AGBL1: variants seen among roughly 807,000 people sequenced by gnomAD.
AGBL1 encodes the protein cytosolic carboxypeptidase 4.
A neutral mutation model predicts 118.9 loss-of-function variants in AGBL1; 130 were observed. The observed-to-expected ratio is 1.09, with a 90% confidence interval of 0.95 to 1.26. AGBL1 has a LOEUF of 1.26. AGBL1 is among the 50% of genes most tolerant of loss of function. AGBL1 has a pLI of 0.00. For synonymous variants in AGBL1, 555 were observed against 478.9 expected, an observed-to-expected ratio of 1.16 and a Z score of -2.08; for missense variants, 1,584 against 1,298.1, an observed-to-expected ratio of 1.22 and a Z score of -3.38.
In AGBL1 at chr15:86,659,913, C is replaced by T. The variant is rs553030182; in HGVS notation, c.2995-14360C>T. Among the ~76,000 whole-genome samples, 144 of 152,168 alleles carry T rather than the reference C, an allele frequency of 9.5e-4. 1 individual carries two copies. The highest frequency in any genetic ancestry group is 4.2e-3 in the Admixed American group (64 of 15,276). On this transcript the variant is annotated intron_variant, in intron 21 of 22. Transcript: ENST00000614907. ...TGTTGCCAGGGCAATTACAGTCTGACAGTGCTCAGGTCTGTTCCTGTATTT... is the reference window on the plus strand; with the variant it reads ...TGTTGCCAGGGCAATTACAGTCTGATAGTGCTCAGGTCTGTTCCTGTATTT...
Position 86,202,513 on chromosome 15 carries a change from T to C in AGBL1, c.489-22401T>C, listed in dbSNP as rs566587281. ...GTAAAATGAGACAGCCTCAGATTTGTTGTAAAAACAATTGAAATGAGTGAA... is the reference window on the plus strand; with the variant it reads ...GTAAAATGAGACAGCCTCAGATTTGCTGTAAAAACAATTGAAATGAGTGAA... On this transcript the variant is annotated intron_variant, in intron 5 of 22. Coordinates refer to ENST00000614907, the MANE Select transcript of AGBL1 (RefSeq NM_001386094.1). 9.9e-5 allele frequency among the ~76,000 whole-genome samples: 15 copies of C among 152,276 alleles called. No individual in the cohort carries two copies. In the South Asian group the frequency reaches 3.1e-3, roughly 32 times the overall value.
chr15:86,405,725 C>T lies in AGBL1; in HGVS notation c.2555+8179C>T, dbSNP rs367978691. Among the ~76,000 whole-genome samples the T allele has an allele frequency of 7.0e-4, 106 of 151,874 alleles. 1 individual carries two copies. Among genetic ancestry groups the T allele is most frequent in the African/African-American group, 2.3e-3 (96 of 41,352 alleles). ...CTAATTATAAAAATGATACATGATACAGCCAAGATAATAGGTGTTTCAAAA... is the reference window on the plus strand; with the variant it reads ...CTAATTATAAAAATGATACATGATATAGCCAAGATAATAGGTGTTTCAAAA... On this transcript the variant is annotated intron_variant, in intron 18 of 22. Transcript: ENST00000614907.
At chr15:86,192,062 G>T (rs562153086) in intron 5 of AGBL1, among the ~76,000 whole-genome samples, 153 of 151,732 alleles carry the variant, frequency 1.0e-3, no homozygotes, top group African/African-American at 3.6e-3. Flanking sequence ...TTGTGCCACT[G>T]TACTCTGTCC....
At chr15:86,275,900 A>T (rs886967184) in intron 15 of AGBL1, among the ~76,000 whole-genome samples, 22 of 152,212 alleles carry the variant, frequency 1.4e-4, no homozygotes, top group African/African-American at 5.3e-4. Context: ...TGGGCAAATT[A>T]TACCAACTTC....
intron 23 of AGBL1, among the ~76,000 whole-genome samples, chr15:86,957,235 G>A (rs115226164): frequency 0.017 from 2,607 of 152,112 alleles, 69 homozygotes; most frequent in African/African-American, 0.056. Context: ...AGGACATTCA[G>A]TGAATGTGGT....
Position 86,247,834 on chromosome 15 carries a change from C to T in AGBL1, c.690C>T (p.Ala230=). 6.2e-7 allele frequency: 1 copy of T among 1,613,962 alleles called. No individual in the cohort carries two copies. Among genetic ancestry groups the T allele is most frequent in the Non-Finnish European group, 8.5e-7 (1 of 1,179,904 alleles). ...CTGCCCTCCGGTCCGGCAGGGAGGC[C>T]TTCCTGGCAGCACAGGGCATGGAGA... The part of the protein sequence containing the change: ...HIAALRSGRE[A]FLAAQGMEIL... Residue 230 remains alanine (A), a synonymous_variant, in exon 7 of 23, where the codon GCC becomes GCT. Coordinates refer to ENST00000614907, the MANE Select transcript of AGBL1 (RefSeq NM_001386094.1).
chr15:86,857,353 C>T (rs78852371), intron 22 of AGBL1, among the ~76,000 whole-genome samples: 1 of 152,058 alleles, frequency 6.6e-6, no homozygotes, highest in African/African-American at 2.4e-5. Context: ...TTTCTCATGG[C>T]CTGCGTCTCT....
intron 22 of AGBL1, among the ~76,000 whole-genome samples, chr15:86,723,520 G>A (rs1473387275): frequency 1.3e-5 from 2 of 152,086 alleles, no homozygotes; most frequent in Admixed American, 6.5e-5. Context: ...TGGGGTGAGG[G>A]GGGAGGGATA....
At chr15:86,225,527 A>C (rs2078347986) in intron 6 of AGBL1, among the ~76,000 whole-genome samples, 1 of 152,206 alleles carries the variant, frequency 6.6e-6, no homozygotes, top group South Asian at 2.1e-4. Context: ...GAGTGATTGC[A>C]AAAGAATAGC....
intron 23 of AGBL1, among the ~76,000 whole-genome samples, chr15:86,943,414 T>C (rs1376914262): frequency 6.6e-6 from 1 of 152,178 alleles, no homozygotes; most frequent in African/African-American, 2.4e-5. Context: ...GTGATATCTC[T>C]CTCCTGCAGA....
chr15:86,481,766 C>G (rs1392922237), intron 18 of AGBL1, among the ~76,000 whole-genome samples: 1 of 152,102 alleles, frequency 6.6e-6, no homozygotes, highest in African/African-American at 2.4e-5. Context: ...AAATCATCAT[C>G]TTAGAACTAG....
At chr15:86,284,507 T>G (rs1257821544) in intron 16 of AGBL1, among the ~76,000 whole-genome samples, 1 of 152,202 alleles carries the variant, frequency 6.6e-6, no homozygotes, top group African/African-American at 2.4e-5. Flanking sequence ...AGCATATTCT[T>G]GTACCTTTTA....
intron 22 of AGBL1, among the ~76,000 whole-genome samples, chr15:86,821,334 A>G (rs1354214035): frequency 1.3e-5 from 2 of 152,184 alleles, no homozygotes; most frequent in African/African-American, 4.8e-5. Flanking sequence ...AATAATAAAT[A>G]AAATAAACAT....
At chr15:86,247,086 A>G (rs958050803) in intron 6 of AGBL1, among the ~76,000 whole-genome samples, 1 of 152,256 alleles carries the variant, frequency 6.6e-6, no homozygotes, top group Admixed American at 6.5e-5. Context: ...ACCCCAGTTT[A>G]TCAAAATCTG....
chr15:86,400,997 G>A (rs2081436947), intron 18 of AGBL1, among the ~76,000 whole-genome samples: 1 of 152,052 alleles, frequency 6.6e-6, no homozygotes, highest in Non-Finnish European at 1.5e-5. Flanking sequence ...TTACTGGATT[G>A]AATGGTAGTT....
chr15:86,572,689 GCA>G (rs1490490992), intron 21 of AGBL1, among the ~76,000 whole-genome samples: 5 of 152,194 alleles, frequency 3.3e-5, no homozygotes, highest in Admixed American at 2.6e-4. Flanking sequence ...AGGGTACAGG[GCA>G]CAGGAGTCCG....
At chr15:86,121,531 T>A (rs4887184) in intron 1 of AGBL1, among the ~76,000 whole-genome samples, 75,771 of 152,100 alleles carry the variant, frequency 0.5, 21,414 homozygotes, top group African/African-American at 0.78. Flanking sequence ...GGATGTATTT[T>A]AAAAACCAAA....
intron 22 of AGBL1, among the ~76,000 whole-genome samples, chr15:86,783,227 T>A (rs930961595): frequency 1.3e-5 from 2 of 152,230 alleles, no homozygotes; most frequent in Non-Finnish European, 2.9e-5. Context: ...TAGATGCATG[T>A]TTATTCTTCT....
Position 86,732,966 on chromosome 15 carries a change from C to T in AGBL1, c.3158+58530C>T, listed in dbSNP as rs188120963. 1.5e-3 allele frequency among the ~76,000 whole-genome samples: 217 copies of T among 148,956 alleles called. 1 individual carries two copies. The highest frequency in any genetic ancestry group is 4.8e-3 in the African/African-American group (197 of 40,832). Reference sequence around the variant, plus strand: ...AGAGAGAAATATATACACACATATACATATACATACATACAGGAGATGGCT... The same window carrying T: ...AGAGAGAAATATATACACACATATATATATACATACATACAGGAGATGGCT... On this transcript the variant is annotated intron_variant, in intron 22 of 22. Transcript: ENST00000614907.
Sources: allele counts gnomAD v4.1 joint callset (sites outside exome capture counted in the v4.1 genomes callset), GRCh38; gene constraint gnomAD v4.1.1; transcripts MANE v1.5; gene names NCBI Gene and HGNC (gene_info 2026-07-23, HGNC 2026-07-21).